The following LRP5 variants were observed in gnomAD, a reference collection of about 807,000 sequenced individuals.
The protein encoded by LRP5 is low-density lipoprotein receptor-related protein 5.
LRP5 carries 62 observed loss-of-function variants against 154.1 expected under a neutral mutation model. The ratio of observed to expected loss-of-function variants is 0.40; its 90% CI spans 0.33 to 0.50. The LOEUF (loss-of-function observed/expected upper bound fraction) is 0.50. Ranked by LOEUF, LRP5 falls within the 20% of genes least tolerant of loss-of-function variation. The probability of loss-of-function intolerance (pLI) is 0.55; values close to 1 mark genes in which losing one functional copy is unlikely to be tolerated. For synonymous variants in LRP5, 966 were observed against 1,011.5 expected (o/e 0.96, Z 0.85); for missense variants, 1,915 against 2,336.7 (o/e 0.82, Z 3.72).
At chr11:68,301,507 A>G in the LRP5 span, among the ~76,000 whole-genome samples, 5 of 149,172 alleles carry the variant, frequency 3.4e-5, no homozygotes, top group African/African-American at 1.2e-4. Context: ...AATAAATGTG[A>G]TGTTGCCAAC....
At chr11:68,416,635 C>A in intron 13 of LRP5, 108 bp downstream of exon 13, 2 of 1,059,668 alleles carry the variant, frequency 1.9e-6, no homozygotes, top group Admixed American at 2.0e-5. Context: ...CAGAGGATGG[C>A]TCTGGGTGAA....
intron 7 of LRP5, among the ~76,000 whole-genome samples, chr11:68,400,737 T>A (rs1181956183): frequency 6.6e-6 from 1 of 151,312 alleles, no homozygotes; most frequent in Non-Finnish European, 1.5e-5. Context: ...TCAAAAAAAA[T>A]AAATAAATAA....
At chr11:68,403,878 T>A in intron 8 of LRP5, 179 bp downstream of exon 8, 3 of 669,012 alleles carry the variant, frequency 4.5e-6, no homozygotes, top group Non-Finnish European at 7.6e-6. Context: ...GGGAGCTGAT[T>A]AGGGAGTGGT....
chr11:68,408,630 A>G (rs2098657096), intron 9 of LRP5, among the ~76,000 whole-genome samples: 1 of 152,066 alleles, frequency 6.6e-6, no homozygotes, highest in African/African-American at 2.4e-5. Context: ...TGATTTTTTC[A>G]CTTGACATTA....
At chr11:68,421,816 C>CGT (rs1443531675) in intron 13 of LRP5, among the ~76,000 whole-genome samples, 1 of 113,628 alleles carries the variant, frequency 8.8e-6, no homozygotes, top group Non-Finnish European at 1.9e-5. Flanking sequence ...TGTGTGTGCG[C>CGT]GTGTGTGTGG....
chr11:68,311,537 G>A (rs1267919516), upstream of LRP5, among the ~76,000 whole-genome samples: 3 of 152,184 alleles, frequency 2.0e-5, no homozygotes, highest in Admixed American at 6.5e-5. Context: ...CTGTCAATGG[G>A]GCTTTTGTTG....
At chr11:68,445,971 A>G (rs1359266962) in intron 21 of LRP5, among the ~76,000 whole-genome samples, 1 of 152,188 alleles carries the variant, frequency 6.6e-6, no homozygotes, top group Non-Finnish European at 1.5e-5. Flanking sequence ...TGCAGGAGTT[A>G]GACTGTGTGT....
At chr11:68,365,495 G>A (rs1364679496) in intron 4 of LRP5, 76 bp from the exon 5 acceptor site, 3 of 1,606,910 alleles carry the variant, frequency 1.9e-6, no homozygotes, top group Non-Finnish European at 2.5e-6. Context: ...GGGGGACGAG[G>A]CAGGATGTGA....
intron 16 of LRP5, among the ~76,000 whole-genome samples, chr11:68,427,970 ATTTT>A (rs149733819): frequency 0.63 from 84,923 of 135,564 alleles, 27,019 homozygotes; most frequent in South Asian, 0.76. Flanking sequence ...ATTTTATTTT[ATTTT>A]TTTTATTTAT....
intron 21 of LRP5, among the ~76,000 whole-genome samples, chr11:68,442,343 C>T (rs1168241423): frequency 6.6e-6 from 1 of 152,206 alleles, no homozygotes; most frequent in Non-Finnish European, 1.5e-5. Context: ...GGCACAATCA[C>T]AGCTCACTGC....
At chr11:68,311,694 T>C (rs2098587963), upstream of LRP5, among the ~76,000 whole-genome samples, 1 of 152,226 alleles carries the variant, frequency 6.6e-6, no homozygotes, top group African/African-American at 2.4e-5. Flanking sequence ...TTCTGTGAGG[T>C]ACTGCAAGCC....
chr11:68,403,979 G>T (rs527800622), intron 8 of LRP5: 7 of 536,540 alleles, frequency 1.3e-5, no homozygotes, highest in African/African-American at 1.9e-5. Context: ...GGGAGCCTTC[G>T]TGCCCACAGT....
At chr11:68,365,824 G>C in intron 5 of LRP5, 122 bp downstream of exon 5, 1 of 1,032,468 alleles carries the variant, frequency 9.7e-7, no homozygotes, top group South Asian at 1.6e-5. Flanking sequence ...TCCACTTGGC[G>C]GGTGTGGTGA....
intron 1 of LRP5, among the ~76,000 whole-genome samples, chr11:68,341,133 C>G (rs967570649): frequency 7.4e-6 from 1 of 134,384 alleles, no homozygotes; most frequent in Non-Finnish European, 1.5e-5. Context: ...TTCCTTCTTT[C>G]TGGTGTTTCT....
At chr11:68,415,392 T>TC (rs754690736) in intron 12 of LRP5, among the ~76,000 whole-genome samples, 7 of 152,170 alleles carry the variant, frequency 4.6e-5, no homozygotes, top group Non-Finnish European at 8.8e-5. Context: ...TTCACTACAT[T>TC]CCACCACCAG....
At chr11:68,410,394 A>G (rs756827561) in intron 10 of LRP5, among the ~76,000 whole-genome samples, 11 of 152,176 alleles carry the variant, frequency 7.2e-5, no homozygotes, top group Non-Finnish European at 1.3e-4. Context: ...CGAAGTGTCC[A>G]TGGAGCCTGC....
rs188663342 is a variant in LRP5, at chr11:68,435,089, T to C, written c.4000+1251T>C. On this transcript the variant is annotated intron_variant, in intron 18 of 22. Coordinates refer to ENST00000294304, the MANE Select transcript of LRP5 (RefSeq NM_002335.4). ...CATTCATTCATTTGCACAATGTCTG[T>C]GGCTGCTTTCATGCCAAAAGCAAGA... Among the ~76,000 whole-genome samples, 577 of 152,346 alleles carry C rather than the reference T, an allele frequency of 3.8e-3. 8 individuals carry two copies. The highest frequency in any genetic ancestry group is 0.011 in the African/African-American group (471 of 41,586).
At chr11:68,403,363 G>A in intron 7 of LRP5, 120 bp from the exon 8 acceptor site, 1 of 790,452 alleles carries the variant, frequency 1.3e-6, no homozygotes. Flanking sequence ...AGGTAAAGTT[G>A]CGGCTCTTGG....
chr11:68,428,292 G>T (rs2098669994), intron 16 of LRP5, among the ~76,000 whole-genome samples: 3 of 152,042 alleles, frequency 2.0e-5, no homozygotes, highest in Admixed American at 2.0e-4. Flanking sequence ...ACCACGCCTG[G>T]CACCATTTGC....
Sources: allele counts gnomAD v4.1 joint callset (sites outside exome capture counted in the v4.1 genomes callset), GRCh38; gene constraint gnomAD v4.1.1; transcripts MANE v1.5; gene names NCBI Gene and HGNC (gene_info 2026-07-23, HGNC 2026-07-21).